MYO18A: variants seen among roughly 807,000 people sequenced by gnomAD.
The protein encoded by MYO18A is myosin XVIIIA.
Under a neutral mutation model 235.8 loss-of-function variants are expected in MYO18A, and 78 were observed. The ratio of observed to expected loss-of-function variants is 0.33; its 90% CI spans 0.28 to 0.40. The LOEUF (loss-of-function observed/expected upper bound fraction) is 0.40, where lower values mean the gene tolerates loss of function less well. MYO18A is among the 10% of genes least tolerant of loss of function. The probability of loss-of-function intolerance (pLI) is 1.00; values close to 1 mark genes in which losing one functional copy is unlikely to be tolerated. For synonymous variants in MYO18A, 977 were observed against 1,077.8 expected (o/e 0.91, Z 1.83); for missense variants, 2,215 against 2,699.3 (o/e 0.82, Z 3.98).
Position 29,095,060 on chromosome 17 carries a change from C to A in MYO18A, c.4386-1G>T. 1 of 1,535,352 alleles carries A rather than the reference C, an allele frequency of 6.5e-7. No individual in the cohort carries two copies. The highest frequency in any genetic ancestry group is 8.8e-7 in the Non-Finnish European group (1 of 1,138,168). On this transcript the variant is annotated splice_acceptor_variant, in intron 28 of 41. Transcript: ENST00000527372. LOFTEE classifies it high-confidence loss of function. ...CGCCTGCGAGAGCTCACTGTCAAAC[C>A]TGCGAGGGAGTGTGGCGGCTCCATC...
Position 29,074,693 on chromosome 17 carries a change from G to A in MYO18A, c.*77C>T, listed in dbSNP as rs2065932937. On this transcript the variant is annotated 3_prime_UTR_variant, in exon 42 of 42. Coordinates refer to ENST00000527372, the MANE Select transcript of MYO18A (RefSeq NM_078471.4). This position sits in a 1 kb window ranked among gnomAD's most constrained non-coding sequence, Gnocchi z 4.4. Reference sequence around the variant, plus strand: ...CAGCAGTCGGGTGGGGGAGACCGGTGCCCCACCACTTCCTGGGAGAGGTGC... The same window carrying A: ...CAGCAGTCGGGTGGGGGAGACCGGTACCCCACCACTTCCTGGGAGAGGTGC... 2.0e-6 allele frequency: 3 copies of A among 1,510,148 alleles called. No individual in the cohort carries two copies. The highest frequency in any genetic ancestry group is 2.3e-5 in the South Asian group (2 of 86,774). The allele number at this position is 1,510,148 out of a possible 1,614,324, so 93.5% of individuals were successfully genotyped here. A position where few individuals can be genotyped will look rare whatever the true frequency, so the allele number is the denominator to read the frequency against.
chr17:29,107,301 CA>C, intron 19 of MYO18A, 112 bp from the exon 20 acceptor site: 1 of 987,536 alleles, frequency 1.0e-6, no homozygotes, highest in South Asian at 1.4e-5. Flanking sequence ...GAAGAAACTG[CA>C]GGGGGTGGGG....
In MYO18A at chr17:29,111,468, G is replaced by A; in HGVS notation, c.2856C>T (p.Asn952=). The A allele has an allele frequency of 2.5e-6, 4 of 1,612,324 alleles. No individual in the cohort carries two copies. Among genetic ancestry groups the A allele is most frequent in the Non-Finnish European group, 3.4e-6 (4 of 1,179,266 alleles). Residue 952 remains asparagine (N), a synonymous_variant, in exon 17 of 42, where the codon AAC becomes AAT. Transcript: ENST00000527372. The surrounding 1 kb of genome is among the most constrained non-coding windows in gnomAD (Gnocchi z 5.1). The part of the protein sequence containing the change: ...VTGWLNYTKQ[N]PATQNAPRLL... ...GCCGGGGGGCATTCTGGGTGGCTGG[G>A]TTCTGCTTGGTGTAGTTCAGCCAGC...
At chr17:29,153,453 T>C (rs960067516) in intron 2 of MYO18A, among the ~76,000 whole-genome samples, 9 of 152,184 alleles carry the variant, frequency 5.9e-5, no homozygotes, top group African/African-American at 2.2e-4. Context: ...AAAACTACTA[T>C]GATTATTCTC....
chr17:29,137,196 C>T (rs774676005), intron 2 of MYO18A: 1 of 152,218 alleles, frequency 6.6e-6, no homozygotes, highest in Non-Finnish European at 1.5e-5. Flanking sequence ...GCGTCTTTGT[C>T]ATCCCTGGAC....
chr17:29,091,783 C>T (rs1277876060), intron 34 of MYO18A: 1 of 415,850 alleles, frequency 2.4e-6, no homozygotes, highest in Non-Finnish European at 4.8e-6. Flanking sequence ...AGGGGCCTGC[C>T]CACTGGGGTG....
In MYO18A at chr17:29,110,630, A is replaced by C. The variant is rs2066906675; in HGVS notation, c.2901-8T>G. 6.2e-7 allele frequency: 1 copy of C among 1,600,502 alleles called. No individual in the cohort carries two copies. The highest frequency in any genetic ancestry group is 8.5e-7 in the Non-Finnish European group (1 of 1,170,888). On this transcript the variant is annotated splice_region_variant and splice_polypyrimidine_tract_variant and intron_variant, in intron 17 of 41. Transcript: ENST00000527372. ...AGGTTGCTGATGATTTTTCTGCCAG[A>C]GGTGGGAGGATAAGGGAGGAAAAGC... is the stretch of plus-strand genomic sequence containing the variant.
Position 29,134,058 on chromosome 17 carries a change from C to T in MYO18A, c.1000-11805G>A, listed in dbSNP as rs913088712. On this transcript the variant is annotated intron_variant, in intron 2 of 41. Transcript: ENST00000527372. Reference sequence around the variant, plus strand: ...AAAATGAAGGAAAGTAGGCACAGAACATAGCACTCCCTACCCTTGGAAGCT... The same window carrying T: ...AAAATGAAGGAAAGTAGGCACAGAATATAGCACTCCCTACCCTTGGAAGCT... The T allele has an allele frequency of 6.2e-5, 19 of 306,258 alleles. No individual in the cohort carries two copies. The East Asian group carries it at 1.7e-3, about 28-fold the overall frequency. The allele number at this position is 306,258 out of a possible 1,614,324, so 19.0% of individuals were successfully genotyped here. A position where few individuals can be genotyped will look rare whatever the true frequency, so the allele number is the denominator to read the frequency against.
intron 1 of MYO18A, among the ~76,000 whole-genome samples, chr17:29,169,671 CA>C (rs2068358754): frequency 1.3e-5 from 2 of 152,104 alleles, no homozygotes; most frequent in Non-Finnish European, 2.9e-5. Flanking sequence ...AAGATAACTC[CA>C]GGGGCACTTG....
chr17:29,169,952 T>G (rs1327656193), intron 1 of MYO18A, among the ~76,000 whole-genome samples: 2 of 152,166 alleles, frequency 1.3e-5, no homozygotes, highest in Non-Finnish European at 2.9e-5. Context: ...TGTTCCTCAC[T>G]GTCATTGCAG....
At position 29,140,443 on chromosome 17, in the gene MYO18A, G is replaced by A; in HGVS notation, c.1000-18190C>T. On this transcript the variant is annotated intron_variant, in intron 2 of 41. Coordinates refer to ENST00000527372, the MANE Select transcript of MYO18A (RefSeq NM_078471.4). The surrounding 1 kb of genome is among the most constrained non-coding windows in gnomAD (Gnocchi z 4.2). ...ATAGCACAGGCTGTGGCCCCGCCCA[G>A]TTCCCGCCCTCTCCCCGGCCCCTCC... 8.1e-7 allele frequency: 1 copy of A among 1,241,558 alleles called. No homozygotes were observed. The highest frequency in any genetic ancestry group is 1.3e-5 in the South Asian group (1 of 74,244). The allele number at this position is 1,241,558 out of a possible 1,614,324, so 76.9% of individuals were successfully genotyped here.
chr17:29,158,073 C>T lies in MYO18A; in HGVS notation c.999+7869G>A, dbSNP rs562604055. Reference sequence around the variant, plus strand: ...CCTCCCAAAGTGCTGGGATTATAGACGTGAGCCACTGTGCCCTGCCTTGGC... The same window carrying T: ...CCTCCCAAAGTGCTGGGATTATAGATGTGAGCCACTGTGCCCTGCCTTGGC... On this transcript the variant is annotated intron_variant, in intron 2 of 41. Transcript: ENST00000527372. This position sits in a 1 kb window ranked among gnomAD's most constrained non-coding sequence, Gnocchi z 4.3. 1.1e-4 allele frequency among the ~76,000 whole-genome samples: 16 copies of T among 152,270 alleles called. No homozygotes were observed. The highest frequency in any genetic ancestry group is 3.9e-4 in the Admixed American group (6 of 15,300).
chr17:29,080,037 G>A (rs191707065), intron 41 of MYO18A: 7 of 986,072 alleles, frequency 7.1e-6, no homozygotes, highest in African/African-American at 1.7e-5. Flanking sequence ...TGGAGCTGGA[G>A]CTGGAGCTGC....
At chr17:29,084,471 CAAACTCCAGGG>C (rs1192424837) in intron 40 of MYO18A, among the ~76,000 whole-genome samples, 1 of 152,150 alleles carries the variant, frequency 6.6e-6, no homozygotes, top group African/African-American at 2.4e-5. Context: ...GGCCCGTAAA[CAAACTCCAGGG>C]GCAGGCAGGC....
At chr17:29,080,849 G>A in intron 41 of MYO18A, 5 of 985,396 alleles carry the variant, frequency 5.1e-6, no homozygotes, top group Non-Finnish European at 6.0e-6. Flanking sequence ...GGCCTCTCAG[G>A]GGAGGCCGCC....
intron 1 of MYO18A, among the ~76,000 whole-genome samples, chr17:29,169,107 T>A (rs1024528731): frequency 6.6e-6 from 1 of 151,854 alleles, no homozygotes; most frequent in Admixed American, 6.5e-5. Flanking sequence ...GAGGCAGAGG[T>A]GGCGTGATCT....
chr17:29,148,047 T>TGGGCACAAGC (rs1239050272), intron 2 of MYO18A, among the ~76,000 whole-genome samples: 1 of 151,432 alleles, frequency 6.6e-6, no homozygotes, highest in Non-Finnish European at 1.5e-5. Context: ...GGATGGGAAA[T>TGGGCACAAGC]GGGCACAAGC....
intron 2 of MYO18A, among the ~76,000 whole-genome samples, chr17:29,124,005 G>A (rs553224407): frequency 2.0e-5 from 3 of 151,420 alleles, no homozygotes; most frequent in South Asian, 2.1e-4. Context: ...CCGAGATTGC[G>A]CCACTGCAGT....
At position 29,152,723 on chromosome 17, in the gene MYO18A, ACTT is replaced by A. The variant is rs572508477; in HGVS notation, c.999+13216_999+13218del. Among the ~76,000 whole-genome samples, 85 of 151,284 alleles carry A rather than the reference ACTT, an allele frequency of 5.6e-4. 1 individual carries two copies. Among genetic ancestry groups the A allele is most frequent in the South Asian group, 1.3e-3 (6 of 4,772 alleles). On this transcript the variant is annotated intron_variant, in intron 2 of 41. Transcript: ENST00000527372. ...ATTAATGAGGATGATGATAATGTTC[ACTT>A]CTTCTTTTTTTTTTAAACAGGATCT...
Sources: gnomAD v4.1 joint callset for allele counts (sites outside exome capture counted in the v4.1 genomes callset) on GRCh38, gnomAD v4.1.1 for gene constraint, Gnocchi (gnomAD v3.1) non-coding constraint, MANE v1.5 for transcripts, NCBI Gene and HGNC (gene_info 2026-07-23, HGNC 2026-07-21) for gene names.